Variants in MNAT1 observed in about 807,000 individuals in gnomAD.
MNAT1 encodes MNAT1 component of CDK activating kinase.
MNAT1 carries 43 observed loss-of-function variants against 42.0 expected under a neutral mutation model. That is an observed-to-expected ratio of 1.02 (90% confidence interval 0.80 to 1.32). The LOEUF is 1.32. Ranked by LOEUF, MNAT1 falls within the 40% of genes most tolerant of loss-of-function variation. The probability of loss-of-function intolerance (pLI) is 0.00; values close to 1 mark genes in which losing one functional copy is unlikely to be tolerated. For synonymous variants in MNAT1, 118 were observed against 120.0 expected (o/e 0.98, Z 0.11); for missense variants, 306 against 350.4 (o/e 0.87, Z 1.01).
At chr14:60,908,698 A>G (rs2035273170) in intron 7 of MNAT1, among the ~76,000 whole-genome samples, 1 of 152,224 alleles carries the variant, frequency 6.6e-6, no homozygotes, top group Non-Finnish European at 1.5e-5. Flanking sequence ...TATATGTGCC[A>G]CATTTTCTTA....
chr14:60,812,052 ATTAT>A lies in MNAT1; in HGVS notation c.491_494del (p.Phe164TyrfsTer11), dbSNP rs2032563935. ...AACGACAGGAAAATGAACAAAGAAG[ATTAT>A]TTATACAAAAAGAAGAACAACTGCA... On this transcript the variant is annotated frameshift_variant, in exon 5 of 8. Coordinates refer to ENST00000261245, the MANE Select transcript of MNAT1 (RefSeq NM_002431.4). LOFTEE classifies it high-confidence loss of function. The A allele has an allele frequency of 4.4e-6, 7 of 1,606,910 alleles. No homozygotes were observed. Among genetic ancestry groups the A allele is most frequent in the African/African-American group, 1.3e-5 (1 of 74,554 alleles).
intron 6 of MNAT1, among the ~76,000 whole-genome samples, chr14:60,832,645 T>A (rs1236918404): frequency 6.6e-6 from 1 of 152,206 alleles, no homozygotes; most frequent in Admixed American, 6.5e-5. Flanking sequence ...TGCTTAGGAT[T>A]GTCTTGGCTA....
chr14:60,738,192 A>G (rs1164175770), intron 1 of MNAT1, among the ~76,000 whole-genome samples: 2 of 150,686 alleles, frequency 1.3e-5, no homozygotes, highest in African/African-American at 4.9e-5. Context: ...AAAATCTTGC[A>G]TTTTAAAAGA....
intron 7 of MNAT1, among the ~76,000 whole-genome samples, chr14:60,931,718 G>C (rs2035887236): frequency 6.6e-6 from 1 of 151,988 alleles, no homozygotes. Flanking sequence ...TGGGAGAATA[G>C]TACTACTTAC....
Position 60,796,313 on chromosome 14 carries a change from C to G in MNAT1, c.186C>G (p.Leu62=). The change falls in exon 2 of 8, where the codon CTC becomes CTG. Residue 62 remains leucine (L), a synonymous_variant. Coordinates refer to ENST00000261245, the MANE Select transcript of MNAT1 (RefSeq NM_002431.4). ...GAAAGAGCAACTTCAGGGTACAACT[C>G]TTTGAAGATCCCACTGTTGACAAGG... ...PLRKSNFRVQ[L]FEDPTVDKEV... 1 of 1,613,716 alleles carries G rather than the reference C, an allele frequency of 6.2e-7. No homozygotes were observed. The highest frequency in any genetic ancestry group is 8.5e-7 in the Non-Finnish European group (1 of 1,179,764).
chr14:60,866,791 AC>A (rs1462011007), intron 6 of MNAT1, among the ~76,000 whole-genome samples: 3 of 152,012 alleles, frequency 2.0e-5, no homozygotes, highest in Non-Finnish European at 2.9e-5. Flanking sequence ...AATGATACTA[AC>A]CTTTTACTAG....
chr14:60,899,891 G>T (rs2035036573), intron 7 of MNAT1, among the ~76,000 whole-genome samples: 1 of 152,030 alleles, frequency 6.6e-6, no homozygotes, highest in African/African-American at 2.4e-5. Flanking sequence ...CACTATTTCA[G>T]ACTTTTGCAT....
At chr14:60,859,333 A>G (rs778288462) in intron 6 of MNAT1, among the ~76,000 whole-genome samples, 6 of 152,296 alleles carry the variant, frequency 3.9e-5, no homozygotes, top group Middle Eastern at 6.8e-3. Context: ...GATGATCTTT[A>G]ATATTATGTC....
chr14:60,931,442 G>T (rs1256129608), intron 7 of MNAT1, among the ~76,000 whole-genome samples: 1 of 152,130 alleles, frequency 6.6e-6, no homozygotes, highest in African/African-American at 2.4e-5. Flanking sequence ...CATTTATTCT[G>T]CTGCCAGAGA....
intron 7 of MNAT1, among the ~76,000 whole-genome samples, chr14:60,909,167 G>T (rs1360224334): frequency 2.0e-5 from 3 of 152,086 alleles, no homozygotes; most frequent in Non-Finnish European, 4.4e-5. Context: ...TTTTGATGGG[G>T]TTTTTTGTTT....
intron 7 of MNAT1, among the ~76,000 whole-genome samples, chr14:60,927,312 T>C (rs1371511583): frequency 1.3e-5 from 2 of 152,230 alleles, no homozygotes; most frequent in Non-Finnish European, 2.9e-5. Context: ...ATTTCGTTAA[T>C]TTTAGTGTGC....
intron 7 of MNAT1, among the ~76,000 whole-genome samples, chr14:60,914,425 G>A (rs1594867485): frequency 6.6e-6 from 1 of 152,154 alleles, no homozygotes; most frequent in East Asian, 2.0e-4. Flanking sequence ...CTCACGCTGG[G>A]AGCTGTAGAC....
At chr14:60,929,158 A>AT (rs1474971065) in intron 7 of MNAT1, among the ~76,000 whole-genome samples, 17 of 120,780 alleles carry the variant, frequency 1.4e-4, no homozygotes, top group South Asian at 5.1e-4. Context: ...CAAAAAAAAA[A>AT]AAAAAAAAAA....
intron 1 of MNAT1, among the ~76,000 whole-genome samples, chr14:60,741,892 A>G (rs1055213916): frequency 6.6e-6 from 1 of 151,676 alleles, no homozygotes; most frequent in Non-Finnish European, 1.5e-5. Context: ...TGGATTGACA[A>G]TCTCTGCCTT....
intron 6 of MNAT1, among the ~76,000 whole-genome samples, chr14:60,873,222 A>G (rs533116829): frequency 1.3e-5 from 2 of 151,546 alleles, no homozygotes; most frequent in East Asian, 3.9e-4. Flanking sequence ...TGTCATCTTT[A>G]TTGTTGTTGT....
intron 7 of MNAT1, among the ~76,000 whole-genome samples, chr14:60,897,643 G>A (rs925118289): frequency 2.0e-5 from 3 of 151,836 alleles, no homozygotes; most frequent in Admixed American, 6.6e-5. Context: ...ATATTTATGG[G>A]GTACATGTGA....
chr14:60,754,117 ATATC>A (rs902599529), intron 1 of MNAT1, among the ~76,000 whole-genome samples: 24 of 152,212 alleles, frequency 1.6e-4, no homozygotes, highest in Non-Finnish European at 1.2e-4. Flanking sequence ...GCCCCAGCTG[ATATC>A]TTGACAAATA....
intron 2 of MNAT1, among the ~76,000 whole-genome samples, chr14:60,797,217 C>T (rs570552072): frequency 5.3e-5 from 8 of 152,298 alleles, no homozygotes; most frequent in African/African-American, 1.9e-4. Context: ...CTTTATCAAT[C>T]CGCCTAGCGG....
chr14:60,921,147 A>G lies in MNAT1; in HGVS notation c.809+41312A>G, dbSNP rs148592516. Among the ~76,000 whole-genome samples the G allele has an allele frequency of 4.6e-3, 694 of 152,344 alleles. 9 individuals carry two copies. Among genetic ancestry groups the G allele is most frequent in the African/African-American group, 0.015 (621 of 41,586 alleles). On this transcript the variant is annotated intron_variant, in intron 7 of 7. Coordinates refer to ENST00000261245, the MANE Select transcript of MNAT1 (RefSeq NM_002431.4). ...ATAAACCTAAGAAATATTAGATGTT[A>G]CATAAACTGTTGGAGATTGTCATTC...
Sources: gnomAD v4.1 joint callset for allele counts (sites outside exome capture counted in the v4.1 genomes callset) on GRCh38, gnomAD v4.1.1 for gene constraint, MANE v1.5 for transcripts, NCBI Gene and HGNC (gene_info 2026-07-23, HGNC 2026-07-21) for gene names.